Variants in EXOC4 observed in about 807,000 individuals in gnomAD.
EXOC4 encodes SEC8-like 1.
Under a neutral mutation model 107.2 loss-of-function variants are expected in EXOC4, and 71 were observed. The ratio of observed to expected loss-of-function variants is 0.66; its 90% CI spans 0.55 to 0.81. EXOC4 has a LOEUF of 0.81. Ranked by LOEUF, EXOC4 falls within the 30% of genes least tolerant of loss-of-function variation. The pLI is 0.00. For missense variants in EXOC4, 1,108 were observed against 1,189.6 expected, an observed-to-expected ratio of 0.93 and a Z score of 1.01; for synonymous variants, 456 against 441.2, an observed-to-expected ratio of 1.03 and a Z score of -0.42.
chr7:133,948,957 A>G (rs561926124), intron 14 of EXOC4, among the ~76,000 whole-genome samples: 15 of 152,330 alleles, frequency 9.8e-5, no homozygotes, highest in Admixed American at 9.1e-4. Flanking sequence ...CACGGAGGCA[A>G]TGCTGTTGTT....
rs746143747 is a variant in EXOC4 at position 134,064,552 on chromosome 7, G to A, written c.*24G>A. 7.4e-6 allele frequency: 11 copies of A among 1,495,092 alleles called. No homozygotes were observed. Among genetic ancestry groups the A allele is most frequent in the East Asian group, 7.2e-5 (3 of 41,622 alleles). 92.6% of individuals were successfully genotyped at this position (1,495,092 alleles called of 1,614,324 possible). On this transcript the variant is annotated 3_prime_UTR_variant, in exon 18 of 18. Transcript: ENST00000253861. Reference sequence around the variant, plus strand: ...AGCAGGGCGTACTGCGGTTGGTGACGGGGGTCCCCTCAGTCACACTCACTT... The same window carrying A: ...AGCAGGGCGTACTGCGGTTGGTGACAGGGGTCCCCTCAGTCACACTCACTT...
intron 10 of EXOC4, among the ~76,000 whole-genome samples, chr7:133,683,924 T>G (rs1467790140): frequency 6.6e-6 from 1 of 152,218 alleles, no homozygotes; most frequent in Non-Finnish European, 1.5e-5. Context: ...TAATTTTTTC[T>G]TTTTTCAAAA....
chr7:133,624,866 T>A (rs1318325553), intron 9 of EXOC4, among the ~76,000 whole-genome samples: 1 of 150,794 alleles, frequency 6.6e-6, no homozygotes, highest in Non-Finnish European at 1.5e-5. Context: ...GTGCTGGGAT[T>A]ACAGGTGTGA....
intron 10 of EXOC4, among the ~76,000 whole-genome samples, chr7:133,686,537 C>A (rs1562907483): frequency 6.6e-6 from 1 of 152,066 alleles, no homozygotes; most frequent in Non-Finnish European, 1.5e-5. Flanking sequence ...AAAAAAGTAT[C>A]TAAGAATCAA....
At chr7:133,594,493 C>CTTGTTTTTTT (rs1801618768) in intron 9 of EXOC4, among the ~76,000 whole-genome samples, 1 of 90,356 alleles carries the variant, frequency 1.1e-5, no homozygotes. Flanking sequence ...AAGCTTGAGT[C>CTTGTTTTTTT]TTTTTTTTTT....
chr7:133,512,903 C>T (rs1799799436), intron 9 of EXOC4, among the ~76,000 whole-genome samples: 1 of 152,088 alleles, frequency 6.6e-6, no homozygotes, highest in African/African-American at 2.4e-5. Context: ...GCCAGAAATT[C>T]GAGACCAGTC....
At chr7:133,261,469 C>T (rs1168890232) in intron 1 of EXOC4, among the ~76,000 whole-genome samples, 3 of 152,126 alleles carry the variant, frequency 2.0e-5, no homozygotes, top group Non-Finnish European at 2.9e-5. Flanking sequence ...CTATGTTGCT[C>T]AGGCTGGTCT....
intron 10 of EXOC4, among the ~76,000 whole-genome samples, chr7:133,760,726 C>T (rs2151150763): frequency 6.7e-6 from 1 of 149,438 alleles, no homozygotes; most frequent in Middle Eastern, 3.4e-3. Context: ...ATAAAACCTT[C>T]TTTACTTAAA....
the EXOC4 span, among the ~76,000 whole-genome samples, chr7:134,089,539 C>A: frequency 6.6e-6 from 1 of 152,140 alleles, no homozygotes; most frequent in Admixed American, 6.6e-5. Flanking sequence ...GTGTCCCAAG[C>A]CTTACCTAGC....
chr7:133,541,449 G>T (rs1432077398), intron 9 of EXOC4, among the ~76,000 whole-genome samples: 1 of 152,080 alleles, frequency 6.6e-6, no homozygotes, highest in Non-Finnish European at 1.5e-5. Flanking sequence ...CTACTTTCAG[G>T]CATGAATCAT....
intron 10 of EXOC4, among the ~76,000 whole-genome samples, chr7:133,753,147 T>C (rs1369898397): frequency 6.6e-6 from 1 of 152,260 alleles, no homozygotes; most frequent in East Asian, 1.9e-4. Context: ...AAATGTGCTT[T>C]ATGTGTAAAT....
intron 14 of EXOC4, among the ~76,000 whole-genome samples, chr7:133,996,313 A>G (rs1794391586): frequency 6.6e-6 from 1 of 152,204 alleles, no homozygotes; most frequent in African/African-American, 2.4e-5. Flanking sequence ...GGTCACATAA[A>G]GTAAATGTTG....
chr7:133,907,363 ACTGT>A (rs1799589150), intron 12 of EXOC4, among the ~76,000 whole-genome samples: 1 of 135,108 alleles, frequency 7.4e-6, no homozygotes, highest in South Asian at 2.7e-4. Flanking sequence ...TATTGGTTTA[ACTGT>A]CTTTCTTTAA....
chr7:133,555,362 T>A (rs1205271674), intron 9 of EXOC4, among the ~76,000 whole-genome samples: 1 of 152,190 alleles, frequency 6.6e-6, no homozygotes, highest in Non-Finnish European at 1.5e-5. Context: ...TTTTGAGTAA[T>A]ATGTATATGT....
At chr7:133,648,582 G>A (rs1404148203) in intron 10 of EXOC4, among the ~76,000 whole-genome samples, 1 of 152,124 alleles carries the variant, frequency 6.6e-6, no homozygotes. Flanking sequence ...ATGATATAGT[G>A]CGTGCCATAA....
intron 10 of EXOC4, among the ~76,000 whole-genome samples, chr7:133,662,705 G>A (rs1793720911): frequency 6.6e-6 from 1 of 151,794 alleles, no homozygotes; most frequent in African/African-American, 2.4e-5. Flanking sequence ...AAACAAATAT[G>A]TGTATAAAAC....
intron 10 of EXOC4, among the ~76,000 whole-genome samples, chr7:133,692,818 G>A (rs1332212255): frequency 6.6e-6 from 1 of 152,048 alleles, no homozygotes; most frequent in Non-Finnish European, 1.5e-5. Context: ...CTCCTCCTTA[G>A]AATTAGTATT....
rs151237525 is a variant in EXOC4 at position 133,775,240 on chromosome 7, T to C, written c.1515-42085T>C. ...CTTTAATCTGTAATGTGCCTAATCTTTGGGGGAAAAGGAGTAGAAATCAAC... is the reference window on the plus strand; with the variant it reads ...CTTTAATCTGTAATGTGCCTAATCTCTGGGGGAAAAGGAGTAGAAATCAAC... On this transcript the variant is annotated intron_variant, in intron 10 of 17. Coordinates refer to ENST00000253861, the MANE Select transcript of EXOC4 (RefSeq NM_021807.4). 3.8e-3 allele frequency among the ~76,000 whole-genome samples: 577 copies of C among 152,250 alleles called. 8 individuals carry two copies. In the East Asian group the frequency reaches 0.038, roughly 10 times the overall value.
intron 11 of EXOC4, among the ~76,000 whole-genome samples, chr7:133,871,137 A>G (rs532414624): frequency 1.2e-4 from 19 of 152,270 alleles, no homozygotes; most frequent in Admixed American, 3.3e-4. Context: ...AGGATTATCT[A>G]TGTTCTTCAG....
Sources: allele counts gnomAD v4.1 joint callset (sites outside exome capture counted in the v4.1 genomes callset), GRCh38; gene constraint gnomAD v4.1.1; transcripts MANE v1.5; gene names NCBI Gene and HGNC (gene_info 2026-07-23, HGNC 2026-07-21).